The following DOCK3 variants were observed in gnomAD, a reference collection of about 807,000 sequenced individuals.
DOCK3 encodes the protein dedicator of cytokinesis 3.
In DOCK3, 60 loss-of-function variants were observed where a neutral mutation model predicts 265.6. The ratio of observed to expected loss-of-function variants is 0.23; its 90% confidence interval spans 0.18 to 0.28. DOCK3 has a LOEUF of 0.28. Among genes scored for constraint, DOCK3 ranks in the 10% least tolerant of loss-of-function variants. The probability of loss-of-function intolerance (pLI) is 1.00; values close to 1 mark genes in which losing one functional copy is unlikely to be tolerated. For synonymous variants in DOCK3, 881 were observed against 938.0 expected (o/e 0.94, Z 1.11); for missense variants, 1,981 against 2,594.3 (o/e 0.76, Z 5.14).
chr3:50,820,481 T>C (rs1194668349), intron 2 of DOCK3, among the ~76,000 whole-genome samples: 1 of 152,254 alleles, frequency 6.6e-6, no homozygotes, highest in Non-Finnish European at 1.5e-5. Flanking sequence ...GCTGCATCCA[T>C]GTTGCTACAA....
chr3:51,349,039 C>T (rs1235950203), intron 39 of DOCK3, 101 bp downstream of exon 39: 2 of 1,162,308 alleles, frequency 1.7e-6, no homozygotes, highest in Admixed American at 2.3e-5. Flanking sequence ...GTGGACAATA[C>T]AAGAGAAACA....
At chr3:51,004,713 AGT>A (rs1491303037) in intron 5 of DOCK3, among the ~76,000 whole-genome samples, 12 of 81,554 alleles carry the variant, frequency 1.5e-4, no homozygotes, top group South Asian at 5.5e-4. Context: ...AAGAGATTTA[AGT>A]TTTTTTTTTT....
At chr3:51,375,084 T>C (rs2110541149) in intron 50 of DOCK3, among the ~76,000 whole-genome samples, 1 of 152,338 alleles carries the variant, frequency 6.6e-6, no homozygotes, top group East Asian at 1.9e-4. Flanking sequence ...CCAAATGCTC[T>C]GCCTGGGGAC....
chr3:50,799,798 C>T (rs2042980147), intron 2 of DOCK3, among the ~76,000 whole-genome samples: 1 of 152,076 alleles, frequency 6.6e-6, no homozygotes, highest in African/African-American at 2.4e-5. Context: ...GAAAAGCTTT[C>T]AGTTTTTTCC....
At chr3:50,995,793 G>C (rs2078259183) in intron 5 of DOCK3, among the ~76,000 whole-genome samples, 1 of 152,166 alleles carries the variant, frequency 6.6e-6, no homozygotes, top group Non-Finnish European at 1.5e-5. Flanking sequence ...TAGAGAGACT[G>C]GGCAAAGTCT....
chr3:50,736,473 C>T (rs1419560316), intron 1 of DOCK3, among the ~76,000 whole-genome samples: 4 of 152,138 alleles, frequency 2.6e-5, no homozygotes, highest in Non-Finnish European at 5.9e-5. Flanking sequence ...GAGGAATCGC[C>T]GCACTGTCTT....
chr3:50,715,261 A>G (rs535065750), intron 1 of DOCK3, among the ~76,000 whole-genome samples: 19 of 152,326 alleles, frequency 1.2e-4, no homozygotes, highest in African/African-American at 4.6e-4. Flanking sequence ...AAAAATGAGT[A>G]GGTAGGCCAG....
rs774881336 is a variant in DOCK3, at chr3:51,333,221, C to T, written c.3579C>T (p.Val1193=). 1.2e-6 allele frequency: 2 copies of T among 1,613,430 alleles called. No homozygotes were observed. The highest frequency in any genetic ancestry group is 2.7e-5 in the African/African-American group (2 of 74,920). The part of the protein sequence containing the change: ...RETGISFVTS[V]TRLMERLLDY... ...CCGGCATTTCCTTTGTGACCTCAGT[C>T]ACCCGCCTCATGGAACGTCTTCTTG... The change falls in exon 35 of 53, where the codon GTC becomes GTT. Residue 1193 remains valine, a synonymous_variant. Transcript: ENST00000266037.
intron 23 of DOCK3, among the ~76,000 whole-genome samples, chr3:51,261,574 C>T (rs1057371559): frequency 6.6e-6 from 1 of 152,108 alleles, no homozygotes; most frequent in African/African-American, 2.4e-5. Flanking sequence ...CCGTTCACTC[C>T]CCTGGAAAGG....
In DOCK3 at chr3:51,266,360, C is replaced by T. The variant is rs1408985926; in HGVS notation, c.2356-4455C>T. Among the ~76,000 whole-genome samples the T allele has an allele frequency of 9.2e-5, 14 of 152,224 alleles. No homozygotes were observed. The South Asian group carries it at 2.5e-3, about 27-fold the overall frequency. Reference sequence around the variant, plus strand: ...GTTCATATGGAACCAAAAAAGAGCCCGCATTGCCAAGTCAATCCTAAGCCA... The same window carrying T: ...GTTCATATGGAACCAAAAAAGAGCCTGCATTGCCAAGTCAATCCTAAGCCA... On this transcript the variant is annotated intron_variant, in intron 23 of 52. Transcript: ENST00000266037.
intron 23 of DOCK3, among the ~76,000 whole-genome samples, chr3:51,262,014 G>C (rs976853389): frequency 1.1e-4 from 17 of 152,290 alleles, no homozygotes; most frequent in Non-Finnish European, 1.6e-4. Context: ...GTTCCTGCCT[G>C]CCGGCTCTGA....
At chr3:51,295,363 G>A (rs1294283016) in intron 27 of DOCK3, among the ~76,000 whole-genome samples, 1 of 152,184 alleles carries the variant, frequency 6.6e-6, no homozygotes, top group East Asian at 1.9e-4. Context: ...GCTGTCATGG[G>A]AACTAATAGA....
chr3:51,114,558 G>A (rs1449566511), intron 9 of DOCK3, among the ~76,000 whole-genome samples: 1 of 152,174 alleles, frequency 6.6e-6, no homozygotes, highest in Non-Finnish European at 1.5e-5. Flanking sequence ...AGCAGTGTAG[G>A]AATATAGAGG....
rs1368863012 is a variant in DOCK3, at chr3:51,374,021, A to G, written c.5294-448A>G. Among the ~76,000 whole-genome samples the G allele has an allele frequency of 6.6e-6, 1 of 152,228 alleles. No individual in the cohort carries two copies. The highest frequency in any genetic ancestry group is 1.5e-5 in the Non-Finnish European group (1 of 68,034). On this transcript the variant is annotated intron_variant, in intron 49 of 52. Transcript: ENST00000266037. The surrounding 1 kb of genome is among the most constrained non-coding windows in gnomAD (Gnocchi z 4.8). ...GTAAAGACACAGTATGTCAAGTAATAACAGTGTGGCTATGTTATCTGAGTG... is the reference window on the plus strand; with the variant it reads ...GTAAAGACACAGTATGTCAAGTAATGACAGTGTGGCTATGTTATCTGAGTG...
intron 9 of DOCK3, among the ~76,000 whole-genome samples, chr3:51,116,658 T>A (rs1290834080): frequency 6.6e-6 from 1 of 152,172 alleles, no homozygotes; most frequent in Admixed American, 6.5e-5. Flanking sequence ...TTTGTAGTTC[T>A]CCTTGTAGAG....
intron 4 of DOCK3, among the ~76,000 whole-genome samples, chr3:50,915,325 C>A (rs950078028): frequency 1.3e-5 from 2 of 151,944 alleles, no homozygotes; most frequent in African/African-American, 4.8e-5. Flanking sequence ...AGGTCAGGTA[C>A]AGGGGCAGAA....
intron 1 of DOCK3, among the ~76,000 whole-genome samples, chr3:50,772,813 C>T (rs2041356916): frequency 6.6e-6 from 1 of 152,004 alleles, no homozygotes; most frequent in Non-Finnish European, 1.5e-5. Flanking sequence ...GGAAAGATCT[C>T]ATGCTCATGG....
chr3:51,200,144 G>T (rs1426573160), intron 12 of DOCK3, among the ~76,000 whole-genome samples: 1 of 152,078 alleles, frequency 6.6e-6, no homozygotes, highest in African/African-American at 2.4e-5. Flanking sequence ...TCCTTCAAAG[G>T]ATCGCAGTTC....
intron 2 of DOCK3, among the ~76,000 whole-genome samples, chr3:50,820,406 T>C (rs1478768104): frequency 6.6e-6 from 1 of 152,244 alleles, no homozygotes; most frequent in East Asian, 1.9e-4. Context: ...CTCACACTTA[T>C]AAGTGAGAAC....
Sources: allele counts gnomAD v4.1 joint callset (sites outside exome capture counted in the v4.1 genomes callset), GRCh38; gene constraint gnomAD v4.1.1; non-coding constraint Gnocchi (gnomAD v3.1); transcripts MANE v1.5; gene names NCBI Gene and HGNC (gene_info 2026-07-23, HGNC 2026-07-21).